The following CAP1 variants were observed in gnomAD, a reference collection of about 807,000 sequenced individuals.
CAP1 encodes the protein cyclase associated actin cytoskeleton regulatory protein 1, also known as adenylyl cyclase-associated protein 1.
CAP1 carries 11 observed loss-of-function variants against 58.2 expected under a neutral mutation model. The ratio of observed to expected loss-of-function variants is 0.19; its 90% CI spans 0.12 to 0.31. The LOEUF (loss-of-function observed/expected upper bound fraction) is 0.31. Ranked by LOEUF, CAP1 falls within the 10% of genes least tolerant of loss-of-function variation. CAP1 has a pLI of 1.00. For synonymous variants in CAP1, 183 were observed against 213.8 expected (o/e 0.86, Z 1.26); for missense variants, 423 against 587.5 (o/e 0.72, Z 2.89).
At chr1:40,048,358 A>G (rs1646202819) in intron 1 of CAP1, among the ~76,000 whole-genome samples, 1 of 129,366 alleles carries the variant, frequency 7.7e-6, no homozygotes, top group Non-Finnish European at 1.6e-5. Flanking sequence ...GGCATGAGCC[A>G]TTGCACCTGG....
At chr1:40,052,042 C>T (rs1329317107) in intron 1 of CAP1, among the ~76,000 whole-genome samples, 1 of 152,118 alleles carries the variant, frequency 6.6e-6, no homozygotes, top group African/African-American at 2.4e-5. Context: ...CAATGCTAAG[C>T]ACTTTGATTT....
At chr1:40,051,266 T>C (rs1249354745) in intron 1 of CAP1, among the ~76,000 whole-genome samples, 2 of 152,188 alleles carry the variant, frequency 1.3e-5, no homozygotes, top group Non-Finnish European at 2.9e-5. Context: ...TTTAAAAATA[T>C]AGGCTGGCTG....
intron 1 of CAP1, chr1:40,041,045 T>A (rs1645799478): frequency 6.6e-6 from 1 of 152,576 alleles, no homozygotes; most frequent in African/African-American, 2.4e-5. Flanking sequence ...CCCATCAGCT[T>A]CAGCGGAGGC....
rs751093880 is a variant in CAP1 at position 40,064,332 on chromosome 1, G to A, written c.400G>A (p.Val134Ile). 6.2e-6 allele frequency: 10 copies of A among 1,614,208 alleles called. No homozygotes were observed. The highest frequency in any genetic ancestry group is 1.6e-4 in the Middle Eastern group (1 of 6,062). The part of the protein sequence containing the change: ...GSKLFNHLSA[V>I]SESIQALGWV... ...CAAGTTGTTTAATCACCTGTCAGCT[G>A]TCAGCGAAAGTATCCAGGCCCTGGG... The change falls in exon 5 of 13, where the codon GTC (valine) becomes ATC (isoleucine). Residue 134 changes from valine to isoleucine, a missense_variant. Transcript: ENST00000372805.
chr1:40,044,972 A>G (rs992293165), intron 1 of CAP1, among the ~76,000 whole-genome samples: 5 of 150,956 alleles, frequency 3.3e-5, no homozygotes, highest in Non-Finnish European at 7.4e-5. Flanking sequence ...AATTTTTTGT[A>G]TTTTTAGTAT....
Position 40,047,823 on chromosome 1 carries a change from T to C in CAP1, c.-11+7022T>C, listed in dbSNP as rs890789247. ...TCTAATTTCACTTTATACACTAACT[T>C]TACTCACTCCTGGAGTTTCAGGTAG... On this transcript the variant is annotated intron_variant, in intron 1 of 12. Transcript: ENST00000372805. 5.3e-5 allele frequency among the ~76,000 whole-genome samples: 8 copies of C among 152,216 alleles called. No homozygotes were observed. The East Asian group carries it at 1.4e-3, about 26-fold the overall frequency.
chr1:40,058,677 C>T (rs1298774559), intron 1 of CAP1, among the ~76,000 whole-genome samples: 1 of 151,976 alleles, frequency 6.6e-6, no homozygotes, highest in Admixed American at 6.6e-5. Flanking sequence ...AGCTGAGATC[C>T]TGCCACTGCA....
intron 1 of CAP1, among the ~76,000 whole-genome samples, chr1:40,051,074 C>G (rs529829542): frequency 6.6e-6 from 1 of 152,210 alleles, no homozygotes; most frequent in South Asian, 2.1e-4. Context: ...TTCAAGATGC[C>G]TCACTTCCCT....
rs750266734 is a variant in CAP1 at position 40,070,991 on chromosome 1, G to C, written c.1344+12G>C. 1 of 1,605,722 alleles carries C rather than the reference G, an allele frequency of 6.2e-7. No individual in the cohort carries two copies. Among genetic ancestry groups the C allele is most frequent in the East Asian group, 2.2e-5 (1 of 44,830 alleles). On this transcript the variant is annotated intron_variant, in intron 12 of 12. Coordinates refer to ENST00000372805, the MANE Select transcript of CAP1 (RefSeq NM_006367.4). ...AAGGCGGTGACTTTGTAAGTTTCTT[G>C]ATCTCTTTAGTATGATGTTAAAAAC...
At chr1:40,064,684 TC>T in intron 6 of CAP1, 125 bp downstream of exon 6, 1 of 731,252 alleles carries the variant, frequency 1.4e-6, no homozygotes, top group Non-Finnish European at 2.4e-6. Context: ...CAAACAATCC[TC>T]CCACCTCAGT....
intron 1 of CAP1, among the ~76,000 whole-genome samples, chr1:40,043,195 TTTTG>T (rs572804504): frequency 2.6e-5 from 4 of 152,008 alleles, no homozygotes; most frequent in Middle Eastern, 3.4e-3. Flanking sequence ...GTGAAGGGCT[TTTTG>T]TTTGTTTGTT....
At chr1:40,052,559 T>C (rs1445256199) in intron 1 of CAP1, among the ~76,000 whole-genome samples, 1 of 152,146 alleles carries the variant, frequency 6.6e-6, no homozygotes, top group African/African-American at 2.4e-5. Flanking sequence ...GCCTTATTTA[T>C]TTATTTATTT....
At chr1:40,042,532 C>G (rs1171197556) in intron 1 of CAP1, among the ~76,000 whole-genome samples, 1 of 152,116 alleles carries the variant, frequency 6.6e-6, no homozygotes, top group Non-Finnish European at 1.5e-5. Flanking sequence ...GACTGGAATT[C>G]TAGTAATGGC....
At position 40,060,722 on chromosome 1, in the gene CAP1, C is replaced by T. The variant is rs76313251; in HGVS notation, c.216+552C>T. 7.1e-3 allele frequency among the ~76,000 whole-genome samples: 1,057 copies of T among 149,044 alleles called. 10 individuals carry two copies. The highest frequency in any genetic ancestry group is 0.025 in the African/African-American group (1,017 of 40,342). On this transcript the variant is annotated intron_variant, in intron 3 of 12. Coordinates refer to ENST00000372805, the MANE Select transcript of CAP1 (RefSeq NM_006367.4). ...ACATTCTACCTCTATTTTTGGGACC[C>T]AAAAACCTTCCTGCTAGCTCACCGA...
intron 1 of CAP1, among the ~76,000 whole-genome samples, chr1:40,055,157 A>AG (rs1391555337): frequency 4.6e-5 from 7 of 152,328 alleles, no homozygotes; most frequent in Non-Finnish European, 8.8e-5. Flanking sequence ...CAGAAGTGAG[A>AG]GAAAGCATGG....
intron 1 of CAP1, among the ~76,000 whole-genome samples, chr1:40,055,057 T>C (rs1259970502): frequency 6.6e-6 from 1 of 152,194 alleles, no homozygotes; most frequent in Non-Finnish European, 1.5e-5. Context: ...AGGTGATAAC[T>C]TAGCTGAGAC....
At chr1:40,056,240 T>C (rs895468669) in intron 1 of CAP1, among the ~76,000 whole-genome samples, 12 of 152,120 alleles carry the variant, frequency 7.9e-5, no homozygotes. Context: ...TGATTTCTGC[T>C]TTTGGACATT....
intron 7 of CAP1, among the ~76,000 whole-genome samples, chr1:40,066,584 A>C (rs1423805610): frequency 6.6e-6 from 1 of 152,236 alleles, no homozygotes; most frequent in East Asian, 1.9e-4. Flanking sequence ...AGACACACAC[A>C]AATGAGTTAC....
At chr1:40,067,500 G>A (rs749858568) in intron 7 of CAP1, 40 bp from the exon 8 acceptor site, 5 of 1,553,342 alleles carry the variant, frequency 3.2e-6, no homozygotes, top group Admixed American at 1.8e-5. Flanking sequence ...ACAGAGGGGA[G>A]CAGAGAGGAT....
Sources: gnomAD v4.1 joint callset for allele counts (sites outside exome capture counted in the v4.1 genomes callset) on GRCh38, gnomAD v4.1.1 for gene constraint, MANE v1.5 for transcripts, NCBI Gene and HGNC (gene_info 2026-07-23, HGNC 2026-07-21) for gene names.